Variants in DNAH5 observed in about 807,000 individuals in gnomAD.
DNAH5 encodes the protein dynein axonemal heavy chain 5.
In DNAH5, 372 loss-of-function variants were observed where a neutral mutation model predicts 518.2. The ratio of observed to expected loss-of-function variants is 0.72; its 90% CI spans 0.66 to 0.78. DNAH5 has a LOEUF of 0.78. Among genes scored for constraint, DNAH5 ranks in the 30% least tolerant of loss-of-function variants. DNAH5 has a pLI of 0.00. For synonymous variants in DNAH5, 2,039 were observed against 2,025.9 expected (o/e 1.01, Z -0.17); for missense variants, 5,523 against 5,687.0 (o/e 0.97, Z 0.93).
Position 13,894,758 on chromosome 5 carries a change from C to T in DNAH5, c.2323G>A (p.Val775Ile). The T allele has an allele frequency of 6.2e-7, 1 of 1,614,134 alleles. No individual in the cohort carries two copies. Among genetic ancestry groups the T allele is most frequent in the Non-Finnish European group, 8.5e-7 (1 of 1,179,966 alleles). ...TCATCCACTTTGGCCAAGTGAGGGA[C>T]AATCAATTGCTCAATGGCAGCAGGT... The part of the protein sequence containing the change: ...KIPAAIEQLI[V>I]PHLAKVDEAL... The change falls in exon 16 of 79, where the codon GTC (valine) becomes ATC (isoleucine). Residue 775 changes from valine to isoleucine, a missense_variant. Physicochemically the swap from Val to Ile is conservative, Grantham distance 29 (BLOSUM62 3). Transcript: ENST00000265104.
At chr5:13,904,871 A>G (rs1775094638) in intron 12 of DNAH5, among the ~76,000 whole-genome samples, 3 of 152,102 alleles carry the variant, frequency 2.0e-5, no homozygotes, top group South Asian at 2.1e-4. Flanking sequence ...AGATCGCACC[A>G]CTGCACTCCA....
chr5:13,949,127 C>T (rs11133772), upstream of DNAH5, among the ~76,000 whole-genome samples: 5,183 of 152,200 alleles, frequency 0.034, 118 homozygotes, highest in Middle Eastern at 0.11. Context: ...GGTAAAGAAT[C>T]ATCATAACTT....
chr5:13,817,737 G>A (rs1276394709), intron 41 of DNAH5, 43 bp from the exon 42 acceptor site: 1 of 1,599,574 alleles, frequency 6.3e-7, no homozygotes, highest in Non-Finnish European at 8.6e-7. Context: ...CAGATGGGAA[G>A]TGAACCATCA....
intron 51 of DNAH5, 50 bp downstream of exon 51, chr5:13,788,666 C>T (rs1460327199): frequency 2.7e-6 from 4 of 1,502,902 alleles, no homozygotes; most frequent in African/African-American, 1.4e-5. Context: ...TCAGATTTCC[C>T]TTTAGGGAAC....
chr5:13,810,512 G>A (rs927140109), intron 44 of DNAH5: 11 of 480,692 alleles, frequency 2.3e-5, no homozygotes, highest in East Asian at 1.6e-4. Context: ...AGGCCGAGGC[G>A]GGCGGATCAT....
chr5:13,715,432 T>C lies in DNAH5; in HGVS notation c.12910-812A>G, dbSNP rs184428324. Among the ~76,000 whole-genome samples, 106 of 152,336 alleles carry C rather than the reference T, an allele frequency of 7.0e-4. 1 individual carries two copies. The highest frequency in any genetic ancestry group is 6.2e-3 in the South Asian group (30 of 4,822). On this transcript the variant is annotated intron_variant, in intron 74 of 78. Transcript: ENST00000265104. ...CCCAAATTTATACCTTCATGGCCAC[T>C]TTTCTTATTCAGTGCTGATGATTTA...
At position 13,824,353 on chromosome 5, in the gene DNAH5, T is replaced by A; in HGVS notation, c.6445-20A>T. 1.2e-6 allele frequency: 2 copies of A among 1,613,554 alleles called. No individual in the cohort carries two copies. The highest frequency in any genetic ancestry group is 1.7e-6 in the Non-Finnish European group (2 of 1,179,582). The stretch of plus-strand genomic sequence containing the variant: ...ATGAACCTAGAGAATGTGAGATACA[T>A]TGGGCTTATTTTCAACATTAAAATA... On this transcript the variant is annotated intron_variant, in intron 38 of 78. Coordinates refer to ENST00000265104, the MANE Select transcript of DNAH5 (RefSeq NM_001369.3).
intron 53 of DNAH5, among the ~76,000 whole-genome samples, chr5:13,777,808 A>T (rs1054051285): frequency 2.6e-5 from 4 of 152,188 alleles, no homozygotes; most frequent in African/African-American, 7.2e-5. Flanking sequence ...TGCCTGCCTC[A>T]TCCCCCAACA....
At chr5:13,894,579 GA>G in intron 16 of DNAH5, 70 bp downstream of exon 16, 1 of 1,508,812 alleles carries the variant, frequency 6.6e-7, no homozygotes, top group Non-Finnish European at 9.2e-7. Flanking sequence ...ATATTGATAA[GA>G]AATTATTCAA....
At chr5:13,998,009 A>G (rs1038378825) in intron 1 of DNAH5, among the ~76,000 whole-genome samples, 6 of 151,918 alleles carry the variant, frequency 3.9e-5, no homozygotes, top group African/African-American at 1.5e-4. Flanking sequence ...ACGCCCAGCT[A>G]ATTTTTGTAT....
chr5:13,992,884 C>G (rs933235224), intron 1 of DNAH5, among the ~76,000 whole-genome samples: 2 of 152,212 alleles, frequency 1.3e-5, no homozygotes, highest in Non-Finnish European at 2.9e-5. Context: ...AGCCTCTCCC[C>G]TCTTAAACCA....
chr5:13,944,451 T>G lies in DNAH5; in HGVS notation c.-13A>C, dbSNP rs764464244. Reference sequence around the variant, plus strand: ...CAATCCTAAACATTGTAGCCGTGCATGGACAGGCTGGAGTCAGCTCTTCCG... The same window carrying G: ...CAATCCTAAACATTGTAGCCGTGCAGGGACAGGCTGGAGTCAGCTCTTCCG... On this transcript the variant is annotated 5_prime_UTR_variant, in exon 1 of 79. An upstream start codon of the reference 5' UTR is lost. Transcript: ENST00000265104. The G allele has an allele frequency of 1.2e-5, 19 of 1,611,848 alleles. No individual in the cohort carries two copies. The South Asian group carries it at 2.0e-4, about 17-fold the overall frequency.
chr5:13,871,157 C>T (rs1016148814), intron 23 of DNAH5, among the ~76,000 whole-genome samples, 155 bp from the exon 24 acceptor site: 1 of 152,156 alleles, frequency 6.6e-6, no homozygotes, highest in Non-Finnish European at 1.5e-5. Context: ...TTTTCCTACT[C>T]ATTATATATT....
chr5:13,985,338 T>A (rs1261843902), intron 1 of DNAH5, among the ~76,000 whole-genome samples: 1 of 150,026 alleles, frequency 6.7e-6, no homozygotes, highest in Non-Finnish European at 1.5e-5. Flanking sequence ...AATGACGAGT[T>A]AATGGGTGCA....
intron 52 of DNAH5, among the ~76,000 whole-genome samples, chr5:13,784,513 G>A (rs1236966305): frequency 6.6e-6 from 1 of 152,066 alleles, no homozygotes; most frequent in Non-Finnish European, 1.5e-5. Context: ...CCCTCTCTCT[G>A]ACTTACTCCA....
Position 13,713,107 on chromosome 5 carries a change from G to GTA in DNAH5, c.13125+1296_13125+1297dup, listed in dbSNP as rs1554018591. 9.3e-3 allele frequency among the ~76,000 whole-genome samples: 1,307 copies of GTA among 139,918 alleles called. 24 individuals are homozygous for GTA. The highest frequency in any genetic ancestry group is 0.049 in the East Asian group (236 of 4,790). The allele number at this position is 139,918 out of a possible 152,430, so 91.8% of individuals were successfully genotyped here. On this transcript the variant is annotated intron_variant, in intron 75 of 78. Transcript: ENST00000265104. ...TATAAAGAAACTGTGGTGTGTGTGT[G>GTA]TATATATATATATATATACACACAC... is the stretch of plus-strand genomic sequence containing the variant.
chr5:13,995,613 A>G (rs1443108007), intron 1 of DNAH5, among the ~76,000 whole-genome samples: 1 of 152,218 alleles, frequency 6.6e-6, no homozygotes, highest in East Asian at 1.9e-4. Flanking sequence ...TTTTAAACTG[A>G]CAACACAAAA....
intron 78 of DNAH5, among the ~76,000 whole-genome samples, chr5:13,698,245 T>C (rs992386479): frequency 6.6e-6 from 1 of 152,220 alleles, no homozygotes; most frequent in Non-Finnish European, 1.5e-5. Flanking sequence ...GCCCAGTCTG[T>C]AGTATTTTGT....
At chr5:13,859,677 T>C in intron 29 of DNAH5, 72 bp from the exon 30 acceptor site, 1 of 1,464,780 alleles carries the variant, frequency 6.8e-7, no homozygotes. Flanking sequence ...AAAAGGTTTT[T>C]AAAAATCTTA....
Sources: gnomAD v4.1 joint callset for allele counts (sites outside exome capture counted in the v4.1 genomes callset) on GRCh38, gnomAD v4.1.1 for gene constraint, MANE v1.5 for transcripts, NCBI Gene and HGNC (gene_info 2026-07-23, HGNC 2026-07-21) for gene names.